The following CEACAM1 variants were observed in gnomAD, a reference collection of about 807,000 sequenced individuals.
CEACAM1 encodes CEA cell adhesion molecule 1.
CEACAM1 carries 31 observed loss-of-function variants against 49.1 expected under a neutral mutation model. The observed-to-expected ratio is 0.63, with a 90% CI of 0.47 to 0.85. CEACAM1 has a LOEUF of 0.85. CEACAM1 is among the 40% of genes least tolerant of loss of function. CEACAM1 has a pLI of 0.00. For synonymous variants in CEACAM1, 244 were observed against 247.8 expected, an observed-to-expected ratio of 0.98 and a Z score of 0.14; for missense variants, 570 against 645.3, an observed-to-expected ratio of 0.88 and a Z score of 1.26.
At position 42,519,177 on chromosome 19, in the gene CEACAM1, T is replaced by TC; in HGVS notation, c.1016dup (p.Asp340ArgfsTer2). ...AGGTCAGGTTCACAGAGTCCTTATC[T>TC]CCTGTGACTGTGGTCTTGCTGGCTT... is the stretch of plus-strand genomic sequence containing the variant. On this transcript the variant is annotated frameshift_variant, in exon 5 of 9. Transcript: ENST00000161559. LOFTEE classifies it high-confidence loss of function. The TC allele has an allele frequency of 6.2e-7, 1 of 1,614,100 alleles. No individual in the cohort carries two copies. The highest frequency in any genetic ancestry group is 8.5e-7 in the Non-Finnish European group (1 of 1,179,944).
intron 2 of CEACAM1, among the ~76,000 whole-genome samples, chr19:42,522,553 C>T (rs2041782438): frequency 6.6e-6 from 1 of 150,914 alleles, no homozygotes; most frequent in South Asian, 2.1e-4. Context: ...CCTGGCTGGG[C>T]ATTTTTCTTT....
chr19:42,520,337 G>A (rs747129352), intron 4 of CEACAM1, among the ~76,000 whole-genome samples: 1 of 152,164 alleles, frequency 6.6e-6, no homozygotes, highest in Non-Finnish European at 1.5e-5. Context: ...ACCCAGGGGA[G>A]GCTCAGGTGT....
chr19:42,512,062 G>A (rs1207213116), intron 6 of CEACAM1, among the ~76,000 whole-genome samples: 1 of 151,802 alleles, frequency 6.6e-6, no homozygotes, highest in Non-Finnish European at 1.5e-5. Context: ...TTTTTCATTT[G>A]TTTTCCTTCT....
At chr19:42,511,752 T>C in intron 6 of CEACAM1, 124 bp from the exon 7 acceptor site, 1 of 837,048 alleles carries the variant, frequency 1.2e-6, no homozygotes, top group Non-Finnish European at 2.0e-6. Flanking sequence ...GCCTTTCTTC[T>C]GAGGGCCTCG....
chr19:42,513,380 C>T (rs548272854), intron 5 of CEACAM1, among the ~76,000 whole-genome samples: 5 of 152,146 alleles, frequency 3.3e-5, no homozygotes, highest in Non-Finnish European at 5.9e-5. Flanking sequence ...GGGTGGATCA[C>T]GAGGTCAGGA....
intron 1 of CEACAM1, chr19:42,527,745 CT>C: frequency 4.1e-6 from 1 of 245,672 alleles, no homozygotes; most frequent in Non-Finnish European, 7.8e-6. Context: ...CCTTTCTGAC[CT>C]TTTTCTGCTC....
chr19:42,518,219 C>G (rs1390209973), intron 5 of CEACAM1, among the ~76,000 whole-genome samples: 3 of 152,058 alleles, frequency 2.0e-5, no homozygotes, highest in Admixed American at 6.6e-5. Context: ...TTGAGACCAG[C>G]CTGGGCAACA....
chr19:42,513,006 A>G (rs1298478171), intron 5 of CEACAM1, among the ~76,000 whole-genome samples: 1 of 152,180 alleles, frequency 6.6e-6, no homozygotes, highest in African/African-American at 2.4e-5. Flanking sequence ...CTCTTCTGCC[A>G]ATTCCACCCT....
intron 1 of CEACAM1, among the ~76,000 whole-genome samples, chr19:42,528,070 A>G (rs978259408): frequency 1.3e-5 from 2 of 152,148 alleles, no homozygotes; most frequent in Non-Finnish European, 2.9e-5. Flanking sequence ...GCAGTTTTTG[A>G]AATTTATTGC....
In CEACAM1 at chr19:42,528,455, C is replaced by G. The variant is rs41399845; in HGVS notation, c.-81G>C. The G allele has an allele frequency of 2.0e-3, 2,752 of 1,384,936 alleles. 50 individuals are homozygous for G. The African/African-American group carries it at 0.035, about 17-fold the overall frequency. The allele number at this position is 1,384,936 out of a possible 1,614,324, so 85.8% of individuals were successfully genotyped here. On this transcript the variant is annotated 5_prime_UTR_variant, in exon 1 of 9. Transcript: ENST00000161559. Reference sequence around the variant, plus strand: ...CGCTTCGAGCACGGCTGCTCTGTCACCTCTGCTGTTTTCCACTCTCTGTGC... The same window carrying G: ...CGCTTCGAGCACGGCTGCTCTGTCAGCTCTGCTGTTTTCCACTCTCTGTGC...
chr19:42,517,605 A>G (rs1045424330), intron 5 of CEACAM1, among the ~76,000 whole-genome samples: 6 of 152,244 alleles, frequency 3.9e-5, no homozygotes, highest in African/African-American at 1.4e-4. Context: ...GGAAGTGCAA[A>G]TCAAAACTCC....
At chr19:42,512,851 A>G (rs1241018234) in intron 5 of CEACAM1, among the ~76,000 whole-genome samples, 1 of 151,980 alleles carries the variant, frequency 6.6e-6, no homozygotes, top group Non-Finnish European at 1.5e-5. Flanking sequence ...TTTTTTTAGT[A>G]GAGACGGGGT....
At chr19:42,527,724 C>T in intron 1 of CEACAM1, 1 of 272,096 alleles carries the variant, frequency 3.7e-6, no homozygotes, top group South Asian at 7.8e-5. Context: ...CCCTAGAGAC[C>T]CTGGGTATTC....
Position 42,513,599 on chromosome 19 carries a change from AAAAC to A in CEACAM1, c.1247-1124_1247-1121del, listed in dbSNP as rs575647859. Among the ~76,000 whole-genome samples, 651 of 151,958 alleles carry A rather than the reference AAAAC, an allele frequency of 4.3e-3. 5 individuals are homozygous for A. The highest frequency in any genetic ancestry group is 6.4e-3 in the Non-Finnish European group (436 of 67,976). On this transcript the variant is annotated intron_variant, in intron 5 of 8. Coordinates refer to ENST00000161559, the MANE Select transcript of CEACAM1 (RefSeq NM_001712.5). The stretch of plus-strand genomic sequence containing the variant: ...GCAACAGAGTGAGACTCTGTCTCAA[AAAAC>A]AAACAAACAAAAACTGCACTTCAAT...
At chr19:42,522,447 A>G in intron 2 of CEACAM1, among the ~76,000 whole-genome samples, 1 of 145,066 alleles carries the variant, frequency 6.9e-6, no homozygotes, top group East Asian at 2.1e-4. Flanking sequence ...ACGGGGTTTC[A>G]CCGTGTTGCC....
intron 4 of CEACAM1, chr19:42,520,882 C>A: frequency 4.9e-6 from 1 of 202,126 alleles, no homozygotes; most frequent in East Asian, 1.2e-4. Flanking sequence ...GTTTTAAAAC[C>A]TCACATATTC....
Position 42,508,964 on chromosome 19 carries a change from C to T in CEACAM1, c.*145G>A. On this transcript the variant is annotated 3_prime_UTR_variant, in exon 9 of 9. Transcript: ENST00000161559. Reference sequence around the variant, plus strand: ...TGAGAGAGGGGCAGTGACCAGGCAGCCTGGAGATGCCTATTAGGAAGGAAG... The same window carrying T: ...TGAGAGAGGGGCAGTGACCAGGCAGTCTGGAGATGCCTATTAGGAAGGAAG... The T allele has an allele frequency of 1.2e-6, 1 of 853,696 alleles. No homozygotes were observed. Among genetic ancestry groups the T allele is most frequent in the Non-Finnish European group, 1.8e-6 (1 of 550,358 alleles). The allele number at this position is 853,696 out of a possible 1,614,324, so 52.9% of individuals were successfully genotyped here. A position where few individuals can be genotyped will look rare whatever the true frequency, so the allele number is the denominator to read the frequency against.
intron 2 of CEACAM1, chr19:42,525,775 G>A (rs778000552): frequency 1.3e-5 from 2 of 152,184 alleles, no homozygotes; most frequent in Admixed American, 6.5e-5. Context: ...TTCCAGTTAC[G>A]GTCTGTGTGA....
intron 5 of CEACAM1, among the ~76,000 whole-genome samples, chr19:42,517,313 A>T (rs906361191): frequency 3.3e-5 from 5 of 152,264 alleles, no homozygotes; most frequent in African/African-American, 1.2e-4. Flanking sequence ...ACGAAAGAAG[A>T]AGTAGAGAAA....
Sources: gnomAD v4.1 joint callset for allele counts (sites outside exome capture counted in the v4.1 genomes callset) on GRCh38, gnomAD v4.1.1 for gene constraint, MANE v1.5 for transcripts, NCBI Gene and HGNC (gene_info 2026-07-23, HGNC 2026-07-21) for gene names.